SUSD4: variants seen among roughly 807,000 people sequenced by gnomAD.
SUSD4 encodes sushi domain containing 4.
SUSD4 carries 41 observed loss-of-function variants against 50.5 expected under a neutral mutation model. The ratio of observed to expected loss-of-function variants is 0.81; its 90% confidence interval spans 0.63 to 1.05. The LOEUF is 1.05. Among genes scored for constraint, SUSD4 ranks in the 50% least tolerant of loss-of-function variants. The pLI, the probability that SUSD4 is intolerant of heterozygous loss-of-function variation, is 0.00. For synonymous variants in SUSD4, 257 were observed against 257.3 expected (o/e 1.00, Z 0.01); for missense variants, 580 against 634.7 (o/e 0.91, Z 0.93).
At chr1:223,246,306 T>G (rs1415029816) in intron 5 of SUSD4, among the ~76,000 whole-genome samples, 3 of 151,600 alleles carry the variant, frequency 2.0e-5, no homozygotes, top group African/African-American at 7.3e-5. Context: ...CAAATGGGAG[T>G]CAGTAGAGAC....
intron 5 of SUSD4, among the ~76,000 whole-genome samples, chr1:223,237,730 T>C (rs1246170561): frequency 1.3e-5 from 2 of 152,026 alleles, no homozygotes; most frequent in South Asian, 2.1e-4. Flanking sequence ...TTTAACACTT[T>C]ATTGGATTGG....
chr1:223,290,895 T>G (rs17577212), intron 3 of SUSD4, among the ~76,000 whole-genome samples: 42,505 of 151,984 alleles, frequency 0.28, 7,401 homozygotes, highest in Non-Finnish European at 0.4. Flanking sequence ...TAAGCCTGAC[T>G]GTTTTTAAAG....
Position 223,256,318 on chromosome 1 carries a change from G to A in SUSD4, c.724+8312C>T, listed in dbSNP as rs576622338. ...ACAGCCTAGGAGTCAGGTCAGGGCT[G>A]GTTTAGAATCTTGGCTCTGCAGCCT... On this transcript the variant is annotated intron_variant, in intron 5 of 8. Transcript: ENST00000366878. Among the ~76,000 whole-genome samples the A allele has an allele frequency of 9.2e-5, 14 of 152,286 alleles. No homozygotes were observed. In the East Asian group the frequency reaches 2.5e-3, roughly 27 times the overall value.
chr1:223,328,631 C>T (rs1401847452), intron 2 of SUSD4, among the ~76,000 whole-genome samples: 1 of 152,194 alleles, frequency 6.6e-6, no homozygotes, highest in Non-Finnish European at 1.5e-5. Flanking sequence ...GCTCATCAAG[C>T]GCCTCCCAAG....
intron 5 of SUSD4, among the ~76,000 whole-genome samples, chr1:223,242,474 C>T (rs1294105000): frequency 2.6e-5 from 4 of 152,210 alleles, no homozygotes; most frequent in Non-Finnish European, 5.9e-5. Flanking sequence ...CCAACTCCTC[C>T]ACTGCCCCAC....
chr1:223,311,607 T>C (rs984277052), intron 2 of SUSD4, among the ~76,000 whole-genome samples: 1 of 152,208 alleles, frequency 6.6e-6, no homozygotes, highest in Non-Finnish European at 1.5e-5. Flanking sequence ...AATATGGGAA[T>C]AAACTCATGT....
At chr1:223,336,613 A>G (rs1667470830) in intron 2 of SUSD4, among the ~76,000 whole-genome samples, 1 of 152,172 alleles carries the variant, frequency 6.6e-6, no homozygotes, top group Non-Finnish European at 1.5e-5. Context: ...TTTAACAGGT[A>G]AGAATTTTGG....
At chr1:223,278,628 A>G (rs1283662882) in intron 3 of SUSD4, among the ~76,000 whole-genome samples, 1 of 152,172 alleles carries the variant, frequency 6.6e-6, no homozygotes, top group Non-Finnish European at 1.5e-5. Flanking sequence ...TGTAGACTCC[A>G]CCTTTTGGGG....
intron 3 of SUSD4, among the ~76,000 whole-genome samples, chr1:223,276,446 C>T (rs17163767): frequency 0.1 from 15,877 of 152,208 alleles, 1,712 homozygotes; most frequent in African/African-American, 0.27. Flanking sequence ...TTACTGGGGG[C>T]TTGGTTGCAC....
At chr1:223,298,501 C>T (rs1038491043) in intron 2 of SUSD4, among the ~76,000 whole-genome samples, 3 of 152,202 alleles carry the variant, frequency 2.0e-5, no homozygotes, top group Non-Finnish European at 4.4e-5. Context: ...GGTAGGTCTA[C>T]ACGAGGGATT....
intron 5 of SUSD4, chr1:223,234,945 A>T (rs774817138): frequency 3.2e-6 from 5 of 1,571,624 alleles, no homozygotes; most frequent in Non-Finnish European, 4.3e-6. Context: ...TTGCAGGAGA[A>T]CAACATTTAG....
chr1:223,268,451 A>C (rs768936873), intron 4 of SUSD4, 51 bp downstream of exon 4: 5 of 1,570,366 alleles, frequency 3.2e-6, no homozygotes, highest in Admixed American at 3.7e-5. Flanking sequence ...GTCTACAATA[A>C]AGTCCGAGAG....
chr1:223,318,681 C>T (rs1666374297), intron 2 of SUSD4, among the ~76,000 whole-genome samples: 1 of 150,762 alleles, frequency 6.6e-6, no homozygotes, highest in Admixed American at 6.6e-5. Flanking sequence ...TGTTCATGTC[C>T]TTCGCCCACT....
At chr1:223,235,237 T>G in intron 5 of SUSD4, 1 of 899,428 alleles carries the variant, frequency 1.1e-6, no homozygotes, top group East Asian at 2.7e-5. Context: ...ACAGCAATAT[T>G]GAGCAGAAGG....
intron 5 of SUSD4, among the ~76,000 whole-genome samples, chr1:223,245,726 G>A (rs1660878756): frequency 6.6e-6 from 1 of 152,224 alleles, no homozygotes; most frequent in Non-Finnish European, 1.5e-5. Context: ...TACCATGCCT[G>A]GAGAGATGAT....
chr1:223,359,054 T>C (rs1468358764), intron 2 of SUSD4: 3 of 470,994 alleles, frequency 6.4e-6, no homozygotes, highest in Non-Finnish European at 8.8e-6. Context: ...TCAATTCAGC[T>C]GCACTAGGAC....
chr1:223,258,119 TG>T (rs1272257498), intron 5 of SUSD4, among the ~76,000 whole-genome samples: 2 of 152,204 alleles, frequency 1.3e-5, no homozygotes, highest in Non-Finnish European at 2.9e-5. Context: ...GGATTCACTT[TG>T]AAGTTCTGAG....
intron 2 of SUSD4, among the ~76,000 whole-genome samples, chr1:223,331,725 G>C (rs568885703): frequency 1.3e-5 from 2 of 152,250 alleles, no homozygotes; most frequent in South Asian, 4.2e-4. Flanking sequence ...TCCTAATCAG[G>C]AGAGACCGAC....
upstream of SUSD4, chr1:223,364,244 G>A (rs1428446048): frequency 6.7e-6 from 1 of 149,894 alleles, no homozygotes; most frequent in Non-Finnish European, 1.5e-5. This position sits in a 1 kb window ranked among gnomAD's most constrained non-coding sequence, Gnocchi z 4.5. Context: ...GAGCGGGCGG[G>A]TGTTGGGGGA....
Sources: allele counts gnomAD v4.1 joint callset (sites outside exome capture counted in the v4.1 genomes callset), GRCh38; gene constraint gnomAD v4.1.1; non-coding constraint Gnocchi (gnomAD v3.1); transcripts MANE v1.5; gene names NCBI Gene and HGNC (gene_info 2026-07-23, HGNC 2026-07-21).